ADK: variants seen among roughly 807,000 people sequenced by gnomAD.
The protein encoded by ADK is adenosine kinase.
A neutral mutation model predicts 44.7 loss-of-function variants in ADK; 24 were observed. The observed-to-expected ratio is 0.54, with a 90% CI of 0.39 to 0.76. The LOEUF (loss-of-function observed/expected upper bound fraction) is 0.76, where lower values mean the gene tolerates loss of function less well. ADK is among the 30% of genes least tolerant of loss of function. ADK has a pLI of 0.00. For synonymous variants in ADK, 128 were observed against 142.6 expected (o/e 0.90, Z 0.73); for missense variants, 321 against 425.1 (o/e 0.76, Z 2.15).
intron 3 of ADK, among the ~76,000 whole-genome samples, chr10:74,293,026 AGT>A (rs1839675541): frequency 6.6e-6 from 1 of 151,942 alleles, no homozygotes; most frequent in African/African-American, 2.4e-5. Context: ...AAACTAGCTG[AGT>A]GTGGTGGTGC....
At chr10:74,660,111 G>A (rs1487922873) in intron 9 of ADK, among the ~76,000 whole-genome samples, 1 of 152,116 alleles carries the variant, frequency 6.6e-6, no homozygotes, top group Non-Finnish European at 1.5e-5. Flanking sequence ...GTAAGTACCT[G>A]CAAATGCTAT....
intron 6 of ADK, among the ~76,000 whole-genome samples, chr10:74,517,717 T>G (rs576310916): frequency 2.3e-4 from 35 of 151,054 alleles, no homozygotes; most frequent in Non-Finnish European, 4.4e-4. Flanking sequence ...GTAAAAGATA[T>G]GCAGACTATG....
At chr10:74,573,351 T>C (rs1851043339) in intron 7 of ADK, among the ~76,000 whole-genome samples, 1 of 152,186 alleles carries the variant, frequency 6.6e-6, no homozygotes, top group African/African-American at 2.4e-5. Context: ...GCTGTCTGAT[T>C]GTTCCTCTGG....
intron 4 of ADK, among the ~76,000 whole-genome samples, chr10:74,375,625 A>AG (rs35152713): frequency 1.3e-5 from 2 of 152,156 alleles, no homozygotes; most frequent in Non-Finnish European, 2.9e-5. Flanking sequence ...GAGTCAGTCA[A>AG]GGGGGGCCAG....
At chr10:74,569,918 A>T (rs1194181087) in intron 7 of ADK, among the ~76,000 whole-genome samples, 3 of 152,136 alleles carry the variant, frequency 2.0e-5, no homozygotes, top group Non-Finnish European at 4.4e-5. Context: ...TCTAACATTT[A>T]AGTCTTTAAT....
chr10:74,445,863 C>G (rs181679855), intron 6 of ADK, among the ~76,000 whole-genome samples: 150 of 152,166 alleles, frequency 9.9e-4, no homozygotes, highest in Non-Finnish European at 9.4e-4. Context: ...AAAAGAATTG[C>G]TGTTCCACAT....
intron 9 of ADK, among the ~76,000 whole-genome samples, chr10:74,633,472 A>G (rs956346803): frequency 2.0e-5 from 3 of 152,216 alleles, no homozygotes; most frequent in Non-Finnish European, 2.9e-5. Context: ...ATAAAGAGTA[A>G]ACTGAATATA....
At chr10:74,212,352 CTT>C (rs1334838044) in intron 2 of ADK, among the ~76,000 whole-genome samples, 1 of 152,200 alleles carries the variant, frequency 6.6e-6, no homozygotes, top group Non-Finnish European at 1.5e-5. Context: ...TATGGTTACT[CTT>C]TTGCCAAATA....
intron 3 of ADK, among the ~76,000 whole-genome samples, chr10:74,307,447 C>T (rs934107790): frequency 4.6e-5 from 7 of 152,148 alleles, no homozygotes; most frequent in South Asian, 4.1e-4. Flanking sequence ...ACAGGTCTCA[C>T]CTCTCCGGAA....
intron 4 of ADK, among the ~76,000 whole-genome samples, chr10:74,333,759 C>A (rs1436381552): frequency 6.6e-6 from 1 of 151,960 alleles, no homozygotes; most frequent in African/African-American, 2.4e-5. Flanking sequence ...TGATTTAATG[C>A]TTGAATAGGT....
rs1848994653 is a variant in ADK, at chr10:74,525,327, T to C, written c.627T>C (p.Ile209=). Residue 209 remains isoleucine, a synonymous_variant, in exon 7 of 11, where the codon ATT becomes ATC. Transcript: ENST00000539909. ...ACCATGCTTCTGAAAACAACAGGAT[T>C]TTCACTTTGAATCTATCTGCACCGT... ...VAHHASENNR[I]FTLNLSAPFI... is the part of the protein sequence containing the mutation. 1 of 1,613,620 alleles carries C rather than the reference T, an allele frequency of 6.2e-7. No homozygotes were observed. Among genetic ancestry groups the C allele is most frequent in the African/African-American group, 1.3e-5 (1 of 74,910 alleles).
In ADK at chr10:74,151,268, G is replaced by T. The variant is rs1445488389; in HGVS notation, c.-11G>T. On this transcript the variant is annotated 5_prime_UTR_variant, in exon 1 of 11. Coordinates refer to ENST00000539909, the MANE Select transcript of ADK (RefSeq NM_006721.4). ...TGGGCTGTAGAGCCAAAGTGGGGTGGGAGCGCGAAGATGGCAGCTGCTGAG... is the reference window on the plus strand; with the variant it reads ...TGGGCTGTAGAGCCAAAGTGGGGTGTGAGCGCGAAGATGGCAGCTGCTGAG... The T allele has an allele frequency of 6.5e-7, 1 of 1,549,632 alleles. No homozygotes were observed. Among genetic ancestry groups the T allele is most frequent in the Non-Finnish European group, 8.7e-7 (1 of 1,146,842 alleles).
At chr10:74,596,161 CA>C (rs1300689146) in intron 8 of ADK, among the ~76,000 whole-genome samples, 9 of 151,416 alleles carry the variant, frequency 5.9e-5, no homozygotes, top group Non-Finnish European at 4.4e-5. Flanking sequence ...TAAAAAAAAA[CA>C]ACAAAAAGCA....
chr10:74,649,327 T>A (rs765594642), intron 9 of ADK, among the ~76,000 whole-genome samples: 1 of 152,198 alleles, frequency 6.6e-6, no homozygotes. Context: ...CTTAGAAGTC[T>A]TTTAAATTCT....
intron 9 of ADK, chr10:74,641,822 A>C (rs1053243709): frequency 1.3e-5 from 2 of 152,212 alleles, no homozygotes; most frequent in Non-Finnish European, 2.9e-5. Context: ...ACTGACACAT[A>C]CCTGGTAATT....
intron 1 of ADK, among the ~76,000 whole-genome samples, chr10:74,151,673 T>C (rs913742980): frequency 3.9e-5 from 6 of 152,108 alleles, no homozygotes; most frequent in African/African-American, 1.4e-4. Flanking sequence ...CGGAGCAGCG[T>C]CTGTAGGCGG....
chr10:74,319,948 T>C (rs184710720), intron 4 of ADK, among the ~76,000 whole-genome samples: 1 of 152,332 alleles, frequency 6.6e-6, no homozygotes, highest in African/African-American at 2.4e-5. Context: ...GATTTGTAAC[T>C]ATTCTTTTAT....
intron 7 of ADK, among the ~76,000 whole-genome samples, chr10:74,566,201 CTTTT>C (rs772254919): frequency 6.1e-5 from 7 of 113,996 alleles, no homozygotes; most frequent in Admixed American, 9.4e-5. Context: ...CTCTCTCTCT[CTTTT>C]TTTTTTTTTT....
At chr10:74,343,245 A>G (rs1841646112) in intron 4 of ADK, among the ~76,000 whole-genome samples, 1 of 152,192 alleles carries the variant, frequency 6.6e-6, no homozygotes. Flanking sequence ...CCCACTGCAT[A>G]GTCTAAAATC....
Sources: gnomAD v4.1 joint callset for allele counts (sites outside exome capture counted in the v4.1 genomes callset) on GRCh38, gnomAD v4.1.1 for gene constraint, MANE v1.5 for transcripts, NCBI Gene and HGNC (gene_info 2026-07-23, HGNC 2026-07-21) for gene names.